Variants in FBRSL1 observed in about 807,000 individuals in gnomAD.
FBRSL1 encodes the protein fibrosin like 1, also known as fibrosin-1-like protein.
FBRSL1 carries 51 observed loss-of-function variants against 89.6 expected under a neutral mutation model. The ratio of observed to expected loss-of-function variants is 0.57; its 90% CI spans 0.45 to 0.72. The LOEUF (loss-of-function observed/expected upper bound fraction) is 0.72, where lower values mean the gene tolerates loss of function less well. FBRSL1 is among the 30% of genes least tolerant of loss of function. FBRSL1 has a pLI of 0.00. For synonymous variants in FBRSL1, 779 were observed against 681.1 expected (o/e 1.14, Z -2.24); for missense variants, 1,618 against 1,451.8 (o/e 1.11, Z -1.86).
intron 4 of FBRSL1, among the ~76,000 whole-genome samples, chr12:132,537,658 C>T (rs777684890): frequency 1.3e-5 from 2 of 152,152 alleles, no homozygotes; most frequent in Non-Finnish European, 2.9e-5. Context: ...TGAGGACTGG[C>T]CCCCAGCACC....
At chr12:132,521,579 C>G (rs115951579) in intron 2 of FBRSL1, among the ~76,000 whole-genome samples, 12,097 of 152,238 alleles carry the variant, frequency 0.079, 631 homozygotes, top group African/African-American at 0.15. Flanking sequence ...CTGGAGGCAT[C>G]GTGGCCGGCC....
intron 4 of FBRSL1, among the ~76,000 whole-genome samples, chr12:132,529,567 GCTCTGCCACCCTGGGCTCTT>G (rs954114112): frequency 3.3e-5 from 5 of 150,162 alleles, no homozygotes; most frequent in Admixed American, 6.6e-5. Context: ...CCTGGGCTCG[GCTCTGCCACCCTGGGCTCTT>G]CTCTGCCACC....
chr12:132,497,965 G>A lies in FBRSL1; in HGVS notation c.291+7104G>A, dbSNP rs566550609. ...CCCCGGCCCCACCCCAGGAGTGTAT[G>A]GCATCTGAAGTGGTCGTGTGGCAGC... On this transcript the variant is annotated intron_variant, in intron 1 of 18. Transcript: ENST00000680143. Among the ~76,000 whole-genome samples the A allele has an allele frequency of 2.0e-5, 3 of 152,266 alleles. No homozygotes were observed. The South Asian group carries it at 6.2e-4, about 32-fold the overall frequency.
At chr12:132,575,914 AGTGGG>A (rs976422618) in intron 14 of FBRSL1, among the ~76,000 whole-genome samples, 1 of 152,240 alleles carries the variant, frequency 6.6e-6, no homozygotes, top group African/African-American at 2.4e-5. Flanking sequence ...TCACCAGGAC[AGTGGG>A]GTCTTGTTTG....
At chr12:132,544,669 CATG>C (rs2037532774) in intron 4 of FBRSL1, among the ~76,000 whole-genome samples, 1 of 151,748 alleles carries the variant, frequency 6.6e-6, no homozygotes, top group African/African-American at 2.4e-5. Flanking sequence ...TACTGATGAT[CATG>C]GTGGTGGTAA....
chr12:132,576,413 G>C (rs575921695), intron 14 of FBRSL1, among the ~76,000 whole-genome samples: 1 of 151,918 alleles, frequency 6.6e-6, no homozygotes, highest in African/African-American at 2.4e-5. Flanking sequence ...GGCTGGTCTC[G>C]AACTCCTGAC....
rs1403346711 is a variant in FBRSL1 at position 132,567,519 on chromosome 12, C to T, written c.684C>T (p.Thr228=). The T allele has an allele frequency of 3.2e-6, 5 of 1,551,066 alleles. No homozygotes were observed. The highest frequency in any genetic ancestry group is 2.6e-6 in the Non-Finnish European group (3 of 1,146,890). The change falls in exon 6 of 19, where the codon ACC becomes ACT. Residue 228 remains threonine, a synonymous_variant. Coordinates refer to ENST00000680143, the MANE Select transcript of FBRSL1 (RefSeq NM_001367871.1). ...VGSEKLFAPG[T]DKGPALEKSE... ...CTGAGAAGCTCTTTGCGCCGGGAAC[C>T]GATAAAGGTAAGTGGGTCCCCTCGG...
At chr12:132,573,012 G>A (rs190111235) in intron 11 of FBRSL1, among the ~76,000 whole-genome samples, 25 of 152,288 alleles carry the variant, frequency 1.6e-4, no homozygotes, top group Admixed American at 5.9e-4. Flanking sequence ...TTCTTACGGG[G>A]CCGTCCACAC....
intron 2 of FBRSL1, among the ~76,000 whole-genome samples, chr12:132,519,354 A>T (rs2035144718): frequency 6.6e-6 from 1 of 152,198 alleles, no homozygotes; most frequent in East Asian, 1.9e-4. Flanking sequence ...TTCAGGAAGA[A>T]GCAGGGCCAC....
intron 5 of FBRSL1, among the ~76,000 whole-genome samples, chr12:132,559,587 G>A (rs1041790594): frequency 1.3e-5 from 2 of 151,902 alleles, no homozygotes; most frequent in African/African-American, 4.8e-5. Flanking sequence ...ACGGGCGGGG[G>A]TGGGGGGTCT....
chr12:132,522,913 C>A (rs565340765), intron 2 of FBRSL1, among the ~76,000 whole-genome samples: 22 of 152,302 alleles, frequency 1.4e-4, no homozygotes, highest in African/African-American at 4.8e-4. Context: ...GGAACAGTCA[C>A]TCCTTTGTCA....
At chr12:132,551,316 G>C (rs2038136830) in intron 5 of FBRSL1, 1 of 439,460 alleles carries the variant, frequency 2.3e-6, no homozygotes, top group Non-Finnish European at 4.7e-6. Context: ...GAGGCCCATT[G>C]CTCACATGGC....
At chr12:132,571,431 C>T in intron 9 of FBRSL1, 200 bp downstream of exon 9, 2 of 1,550,914 alleles carry the variant, frequency 1.3e-6, no homozygotes, top group Non-Finnish European at 1.7e-6. Context: ...AGCACACACA[C>T]CAGCACACGC....
In FBRSL1 at chr12:132,572,605, G is replaced by T. The variant is rs1336856301; in HGVS notation, c.1513G>T (p.Gly505Cys). 6.4e-7 allele frequency: 1 copy of T among 1,550,722 alleles called. No individual in the cohort carries two copies. Reference sequence around the variant, plus strand: ...CCCCGGCCCCTTCGGGTCCCTGCAGGGCGCTTTTCAGCCTAAGGTACCGCT... The same window carrying T: ...CCCCGGCCCCTTCGGGTCCCTGCAGTGCGCTTTTCAGCCTAAGGTACCGCT... ...PHPGPFGSLQ[G>C]AFQPKTSSPI... Residue 505 changes from glycine to cysteine, a missense_variant, in exon 11 of 19, where the codon GGC becomes TGC. Gly to Cys is a radical substitution (Grantham distance 159, BLOSUM62 -3). Transcript: ENST00000680143.
At chr12:132,490,983 A>T in intron 1 of FBRSL1, 122 bp downstream of exon 1, 1 of 780,904 alleles carries the variant, frequency 1.3e-6, no homozygotes, top group Non-Finnish European at 1.6e-6. Context: ...CCCTGAGGGA[A>T]GCCCCGGCCA....
At position 132,510,169 on chromosome 12, in the gene FBRSL1, G is replaced by A. The variant is rs932500268; in HGVS notation, c.489+1819G>A. 90 of 1,230,872 alleles carry A rather than the reference G, an allele frequency of 7.3e-5. No homozygotes were observed. The Middle Eastern group carries it at 1.2e-3, about 17-fold the overall frequency. The allele number at this position is 1,230,872 out of a possible 1,614,324, so 76.2% of individuals were successfully genotyped here. A position where few individuals can be genotyped will look rare whatever the true frequency, so the allele number is the denominator to read the frequency against. On this transcript the variant is annotated intron_variant, in intron 2 of 18. Transcript: ENST00000680143. The stretch of plus-strand genomic sequence containing the variant: ...CCAGAGCAGCCCTGCCAGCCCCTGC[G>A]GCCGCTCATGGGCCCCAACAAGCCC...
At chr12:132,562,353 T>A (rs1046444428) in intron 5 of FBRSL1, among the ~76,000 whole-genome samples, 2 of 151,460 alleles carry the variant, frequency 1.3e-5, no homozygotes, top group African/African-American at 4.9e-5. Context: ...AGGGAGAGGG[T>A]CATCGGGGCC....
At chr12:132,533,494 C>T (rs1469006134) in intron 4 of FBRSL1, among the ~76,000 whole-genome samples, 1 of 152,270 alleles carries the variant, frequency 6.6e-6, no homozygotes, top group Non-Finnish European at 1.5e-5. Flanking sequence ...GCCACAGTCT[C>T]CTCCCAACCT....
At chr12:132,490,943 T>A (rs2030791214) in intron 1 of FBRSL1, 82 bp downstream of exon 1, 2 of 1,060,244 alleles carry the variant, frequency 1.9e-6, no homozygotes, top group African/African-American at 1.7e-5. Context: ...CCGGGACCCC[T>A]GGGCTTGCGA....
Sources: gnomAD v4.1 joint callset for allele counts (sites outside exome capture counted in the v4.1 genomes callset) on GRCh38, gnomAD v4.1.1 for gene constraint, MANE v1.5 for transcripts, NCBI Gene and HGNC (gene_info 2026-07-23, HGNC 2026-07-21) for gene names.